The following ELP3 variants were observed in gnomAD, a reference collection of about 807,000 sequenced individuals.
ELP3 encodes the protein elongator acetyltransferase complex subunit 3, also known as elongator complex protein 3.
Under a neutral mutation model 74.9 loss-of-function variants are expected in ELP3, and 56 were observed. The ratio of observed to expected loss-of-function variants is 0.75; its 90% CI spans 0.60 to 0.93. The LOEUF (loss-of-function observed/expected upper bound fraction) is 0.93. Ranked by LOEUF, ELP3 falls within the 40% of genes least tolerant of loss-of-function variation. ELP3 has a pLI of 0.00. For synonymous variants in ELP3, 222 were observed against 239.8 expected, an observed-to-expected ratio of 0.93 and a Z score of 0.68; for missense variants, 573 against 686.5, an observed-to-expected ratio of 0.83 and a Z score of 1.85.
Position 28,168,750 on chromosome 8 carries a change from G to T in ELP3, c.1567+6672G>T, listed in dbSNP as rs716554. ...TGTTGACTCCTTATCAATGTAACTT[G>T]AATATGAATAGTACTGTTCTTTTCT... is the stretch of plus-strand genomic sequence containing the variant. On this transcript the variant is annotated intron_variant, in intron 14 of 14. Coordinates refer to ENST00000256398, the MANE Select transcript of ELP3 (RefSeq NM_018091.6). Among the ~76,000 whole-genome samples the T allele has an allele frequency of 6.2e-3, 948 of 152,278 alleles. 7 individuals carry two copies. The highest frequency in any genetic ancestry group is 0.021 in the African/African-American group (875 of 41,550).
chr8:28,175,974 C>G (rs1368878706), intron 14 of ELP3, among the ~76,000 whole-genome samples: 1 of 151,948 alleles, frequency 6.6e-6, no homozygotes, highest in East Asian at 1.9e-4. Flanking sequence ...GCCACCAGGC[C>G]TGGCTAATTT....
At position 28,129,597 on chromosome 8, in the gene ELP3, A is replaced by G; in HGVS notation, c.713A>G (p.Tyr238Cys). The G allele has an allele frequency of 1.9e-6, 3 of 1,614,220 alleles. No individual in the cohort carries two copies. Among genetic ancestry groups the G allele is most frequent in the South Asian group, 1.1e-5 (1 of 91,086 alleles). Residue 238 changes from tyrosine (Y) to cysteine (C), a missense_variant, in exon 8 of 15, where the codon TAT becomes TGT. By Grantham distance (194) the Tyr-to-Cys change is radical. Coordinates refer to ENST00000256398, the MANE Select transcript of ELP3 (RefSeq NM_018091.6). ...CGACATTTAAGTGACATGTTGACCT[A>G]TGGCTGCACAAGGCTGGAGATTGGG... The part of the protein sequence containing the change: ...MKRHLSDMLT[Y>C]GCTRLEIGVQ...
At chr8:28,184,201 C>G (rs1815140674) in intron 14 of ELP3, among the ~76,000 whole-genome samples, 1 of 152,120 alleles carries the variant, frequency 6.6e-6, no homozygotes, top group Admixed American at 6.5e-5. Flanking sequence ...AAATTTAGCT[C>G]TTTAGGTGAG....
Position 28,158,634 on chromosome 8 carries a change from G to T in ELP3, c.1257+1G>T. The T allele has an allele frequency of 1.2e-6, 2 of 1,612,962 alleles. No homozygotes were observed. The highest frequency in any genetic ancestry group is 1.7e-6 in the Non-Finnish European group (2 of 1,179,282). On this transcript the variant is annotated splice_donor_variant, in intron 12 of 14. Transcript: ENST00000256398. LOFTEE classifies it high-confidence loss of function. The stretch of plus-strand genomic sequence containing the variant: ...TCATCACAAAGTACGGCCATACCAG[G>T]TTAGTCTCTTCATGTCATAGAGGGC...
Position 28,190,873 on chromosome 8 carries a change from G to A in ELP3, c.*1148G>A, listed in dbSNP as rs1226937973. On this transcript the variant is annotated 3_prime_UTR_variant, in exon 15 of 15. Transcript: ENST00000256398. ...CGCTCCCAGCCTTTGATTTTTTAAG[G>A]TGGATTTTGGTTGTTATAAATGGAG... The A allele has an allele frequency of 6.6e-6, 1 of 152,132 alleles. No homozygotes were observed. The highest frequency in any genetic ancestry group is 6.5e-5 in the Admixed American group (1 of 15,268). 9.4% of individuals were successfully genotyped at this position (152,132 alleles called of 1,614,324 possible).
chr8:28,144,126 T>C (rs1342746118), intron 10 of ELP3, among the ~76,000 whole-genome samples: 2 of 152,226 alleles, frequency 1.3e-5, no homozygotes, highest in South Asian at 2.1e-4. Flanking sequence ...ATTATAAATA[T>C]TGTCTTTTTA....
At position 28,159,646 on chromosome 8, in the gene ELP3, C is replaced by G. The variant is rs151119070; in HGVS notation, c.1258-583C>G. ...AGACTGCTACCACAAAGCTTCCCCC[C>G]AGAAGCTACCCTCCATGACTGAACT... On this transcript the variant is annotated intron_variant, in intron 12 of 14. Coordinates refer to ENST00000256398, the MANE Select transcript of ELP3 (RefSeq NM_018091.6). Among the ~76,000 whole-genome samples the G allele has an allele frequency of 3.9e-5, 6 of 152,346 alleles. No homozygotes were observed. In the East Asian group the frequency reaches 1.2e-3, roughly 29 times the overall value.
At chr8:28,092,828 TC>T (rs1335645960), upstream of ELP3, 8 of 14,254 alleles carry the variant, frequency 5.6e-4, no homozygotes, top group South Asian at 1.8e-3. Context: ...GGGCTCCCAC[TC>T]CCCCCCATGA....
At chr8:28,096,416 T>C (rs1811255511) in intron 1 of ELP3, among the ~76,000 whole-genome samples, 1 of 152,262 alleles carries the variant, frequency 6.6e-6, no homozygotes, top group African/African-American at 2.4e-5. Context: ...TGGGAACCAC[T>C]GCTCTACAGG....
chr8:28,101,779 AG>A (rs1811499964), intron 3 of ELP3, among the ~76,000 whole-genome samples: 1 of 152,020 alleles, frequency 6.6e-6, no homozygotes, highest in South Asian at 2.1e-4. Context: ...CAGTAGAGAC[AG>A]GGTTTCACTA....
At chr8:28,183,221 G>A (rs1218474180) in intron 14 of ELP3, 4 of 462,500 alleles carry the variant, frequency 8.6e-6, no homozygotes, top group South Asian at 4.6e-5. Flanking sequence ...CAGAGGCAGA[G>A]GGGAGGCCAC....
At chr8:28,133,595 A>G (rs1812866466) in intron 9 of ELP3, among the ~76,000 whole-genome samples, 1 of 152,032 alleles carries the variant, frequency 6.6e-6, no homozygotes, top group Non-Finnish European at 1.5e-5. Flanking sequence ...GTTTTTCTTC[A>G]GATTCTCCGA....
At chr8:28,102,773 A>G (rs566700403) in intron 3 of ELP3, among the ~76,000 whole-genome samples, 2 of 152,356 alleles carry the variant, frequency 1.3e-5, no homozygotes, top group Admixed American at 6.5e-5. Context: ...CTGTACATAC[A>G]TTAGAATACA....
At chr8:28,092,762 C>G (rs923024824), upstream of ELP3, 28 of 270,418 alleles carry the variant, frequency 1.0e-4, no homozygotes, top group Admixed American at 1.0e-4. Context: ...AGGGTTCCTC[C>G]TCCGTGGTCT....
At chr8:28,155,180 T>G (rs867843447) in intron 10 of ELP3, among the ~76,000 whole-genome samples, 5 of 152,198 alleles carry the variant, frequency 3.3e-5, no homozygotes, top group Non-Finnish European at 4.4e-5. Flanking sequence ...CAAAACAAAT[T>G]AGAGACTTGT....
chr8:28,189,075 T>C (rs962770802), intron 14 of ELP3, among the ~76,000 whole-genome samples: 3 of 152,254 alleles, frequency 2.0e-5, no homozygotes, highest in Non-Finnish European at 4.4e-5. Flanking sequence ...CCAGCAAAGC[T>C]GCTTCTTTGA....
chr8:28,175,744 T>C (rs1291812692), intron 14 of ELP3, among the ~76,000 whole-genome samples: 2 of 151,650 alleles, frequency 1.3e-5, no homozygotes, highest in African/African-American at 2.4e-5. Context: ...GTGGTAACTC[T>C]GGAAATCATT....
At chr8:28,122,794 C>T (rs898467885) in intron 7 of ELP3, among the ~76,000 whole-genome samples, 33 of 152,108 alleles carry the variant, frequency 2.2e-4, no homozygotes, top group African/African-American at 7.5e-4. Flanking sequence ...ACTTTCTTTC[C>T]GTTTAATTGC....
intron 2 of ELP3, among the ~76,000 whole-genome samples, chr8:28,099,128 A>G (rs1432583854): frequency 1.3e-5 from 2 of 152,230 alleles, no homozygotes; most frequent in Non-Finnish European, 2.9e-5. Context: ...CTTCACAGAT[A>G]TTTCTAGATG....
Sources: allele counts gnomAD v4.1 joint callset (sites outside exome capture counted in the v4.1 genomes callset), GRCh38; gene constraint gnomAD v4.1.1; transcripts MANE v1.5; gene names NCBI Gene and HGNC (gene_info 2026-07-23, HGNC 2026-07-21).